Variants in GALNTL6 observed in about 807,000 individuals in gnomAD.
GALNTL6 encodes polypeptide N-acetylgalactosaminyltransferase like 6.
Under a neutral mutation model 73.7 loss-of-function variants are expected in GALNTL6, and 46 were observed. The ratio of observed to expected loss-of-function variants is 0.62; its 90% CI spans 0.49 to 0.80. GALNTL6 has a LOEUF of 0.80. GALNTL6 is among the 30% of genes least tolerant of loss of function. The probability of loss-of-function intolerance (pLI) is 0.00; values close to 1 mark genes in which losing one functional copy is unlikely to be tolerated. For synonymous variants in GALNTL6, 259 were observed against 263.7 expected (o/e 0.98, Z 0.17); for missense variants, 604 against 755.0 (o/e 0.80, Z 2.34).
chr4:172,724,162 C>A (rs2111367844), intron 5 of GALNTL6, among the ~76,000 whole-genome samples: 1 of 152,220 alleles, frequency 6.6e-6, no homozygotes, highest in African/African-American at 2.4e-5. Context: ...TTGCTCAAAC[C>A]TGCGTCACCC....
chr4:172,120,788 G>A (rs762966303), intron 2 of GALNTL6, among the ~76,000 whole-genome samples: 5 of 151,950 alleles, frequency 3.3e-5, no homozygotes, highest in Non-Finnish European at 7.4e-5. Context: ...GAGAGGATAA[G>A]GTGTCCTTTA....
At chr4:172,101,775 T>C (rs537194607) in intron 2 of GALNTL6, among the ~76,000 whole-genome samples, 2 of 152,164 alleles carry the variant, frequency 1.3e-5, no homozygotes, top group Non-Finnish European at 2.9e-5. Flanking sequence ...AAATTAACAA[T>C]TATATATTGG....
At chr4:172,672,840 G>T (rs1420043777) in intron 5 of GALNTL6, among the ~76,000 whole-genome samples, 1 of 152,046 alleles carries the variant, frequency 6.6e-6, no homozygotes, top group Non-Finnish European at 1.5e-5. Flanking sequence ...TCTGATGGTT[G>T]TTTGTCTTTC....
chr4:172,085,332 G>A (rs1048823483), intron 2 of GALNTL6, among the ~76,000 whole-genome samples: 12 of 152,074 alleles, frequency 7.9e-5, no homozygotes, highest in Non-Finnish European at 1.8e-4. Flanking sequence ...ACAACATTCT[G>A]GAGCAATGAA....
At chr4:172,890,883 G>T (rs1357554395) in intron 8 of GALNTL6, among the ~76,000 whole-genome samples, 1 of 152,106 alleles carries the variant, frequency 6.6e-6, no homozygotes, top group Non-Finnish European at 1.5e-5. Flanking sequence ...AATGTTTGGT[G>T]CATATAGATT....
At chr4:171,864,013 C>T (rs576218574) in intron 2 of GALNTL6, among the ~76,000 whole-genome samples, 2 of 152,138 alleles carry the variant, frequency 1.3e-5, no homozygotes, top group South Asian at 2.1e-4. Flanking sequence ...CCACCTGCCT[C>T]GGCCTCCCAA....
intron 2 of GALNTL6, among the ~76,000 whole-genome samples, chr4:172,212,940 G>A (rs904876406): frequency 6.6e-6 from 1 of 152,124 alleles, no homozygotes; most frequent in Non-Finnish European, 1.5e-5. Flanking sequence ...CAAAGTGCTG[G>A]GATTACAGGC....
At chr4:172,002,472 C>T (rs1018712522) in intron 2 of GALNTL6, among the ~76,000 whole-genome samples, 4 of 152,146 alleles carry the variant, frequency 2.6e-5, no homozygotes, top group African/African-American at 4.8e-5. Flanking sequence ...GTTAGAAATA[C>T]ATTCCTGTTG....
chr4:172,194,738 G>A (rs1735697304), intron 2 of GALNTL6, among the ~76,000 whole-genome samples: 1 of 152,102 alleles, frequency 6.6e-6, no homozygotes, highest in Admixed American at 6.5e-5. Context: ...TTTCAGACAA[G>A]CAAATGCTGA....
chr4:172,393,291 T>G (rs773276462), intron 5 of GALNTL6, among the ~76,000 whole-genome samples: 16 of 152,150 alleles, frequency 1.1e-4, no homozygotes, highest in Admixed American at 5.2e-4. Context: ...TATAAGCACT[T>G]CTAGGAACTG....
rs142366504 is a variant in GALNTL6, at chr4:172,692,034, A to ATT, written c.554-117320_554-117319dup. 9.2e-5 allele frequency among the ~76,000 whole-genome samples: 14 copies of ATT among 151,664 alleles called. No individual in the cohort carries two copies. The South Asian group carries it at 1.2e-3, about 14-fold the overall frequency. On this transcript the variant is annotated intron_variant, in intron 5 of 12. Transcript: ENST00000506823. ...ATGCCTATTTAATGCAAAAAGCGGG[A>ATT]TTTTTTTTAGAAACAAAGGTAGCAT...
intron 5 of GALNTL6, among the ~76,000 whole-genome samples, chr4:172,370,724 G>C (rs1320118299): frequency 6.6e-6 from 1 of 151,328 alleles, no homozygotes; most frequent in Non-Finnish European, 1.5e-5. Flanking sequence ...TACTATCCGT[G>C]ACTGGTTAGT....
chr4:172,109,362 A>G (rs1443354072), intron 2 of GALNTL6, among the ~76,000 whole-genome samples: 2 of 152,226 alleles, frequency 1.3e-5, no homozygotes, highest in African/African-American at 2.4e-5. Flanking sequence ...GAGACTTGGA[A>G]TGGTCCTAGA....
chr4:171,929,150 C>G (rs867831009), intron 2 of GALNTL6, among the ~76,000 whole-genome samples: 1 of 152,046 alleles, frequency 6.6e-6, no homozygotes, highest in Non-Finnish European at 1.5e-5. Flanking sequence ...CACTGCAGCC[C>G]CCACCTCCCA....
intron 5 of GALNTL6, among the ~76,000 whole-genome samples, chr4:172,792,825 A>C (rs1055784022): frequency 6.6e-6 from 1 of 151,810 alleles, no homozygotes; most frequent in Non-Finnish European, 1.5e-5. Flanking sequence ...TTTATTCCTC[A>C]TTCCCAAGAC....
At chr4:172,728,814 T>A (rs912431900) in intron 5 of GALNTL6, among the ~76,000 whole-genome samples, 1 of 152,204 alleles carries the variant, frequency 6.6e-6, no homozygotes, top group Non-Finnish European at 1.5e-5. Context: ...GTCCTCCAAG[T>A]GGCTATACTA....
chr4:172,810,890 G>A (rs68056477), intron 6 of GALNTL6, among the ~76,000 whole-genome samples: 24,525 of 151,962 alleles, frequency 0.16, 2,047 homozygotes, highest in Middle Eastern at 0.24. Context: ...TCAGCAAAAG[G>A]CCTAATTTAT....
At chr4:172,421,945 AGT>A (rs34463580) in intron 5 of GALNTL6, among the ~76,000 whole-genome samples, 94,318 of 151,746 alleles carry the variant, frequency 0.62, 30,938 homozygotes, top group South Asian at 0.81. Context: ...GCTGTGTGAA[AGT>A]GTGTTTTTAA....
At chr4:172,359,061 A>G (rs4309799) in intron 5 of GALNTL6, among the ~76,000 whole-genome samples, 61,263 of 152,016 alleles carry the variant, frequency 0.4, 14,946 homozygotes, top group South Asian at 0.66. Context: ...AAATCATTCT[A>G]CCATGAAGAC....
Sources: gnomAD v4.1 joint callset for allele counts (sites outside exome capture counted in the v4.1 genomes callset) on GRCh38, gnomAD v4.1.1 for gene constraint, MANE v1.5 for transcripts, NCBI Gene and HGNC (gene_info 2026-07-23, HGNC 2026-07-21) for gene names.